BIN1: variants seen among roughly 807,000 people sequenced by gnomAD.
BIN1 encodes the protein bridging integrator 1, also known as myc box-dependent-interacting protein 1.
In BIN1, 53 loss-of-function variants were observed where a neutral mutation model predicts 82.0. That is an observed-to-expected ratio of 0.65 (90% CI 0.52 to 0.81). The LOEUF (loss-of-function observed/expected upper bound fraction) is 0.81, where lower values mean the gene tolerates loss of function less well. Among genes scored for constraint, BIN1 ranks in the 40% least tolerant of loss-of-function variants. The pLI is 0.00. For synonymous variants in BIN1, 302 were observed against 328.0 expected, an observed-to-expected ratio of 0.92 and a Z score of 0.86; for missense variants, 642 against 784.4, an observed-to-expected ratio of 0.82 and a Z score of 2.17.
chr2:127,050,269 C>G (rs916070568), intron 18 of BIN1, 152 bp downstream of exon 18: 2 of 742,670 alleles, frequency 2.7e-6, no homozygotes, highest in East Asian at 5.4e-5. Context: ...AAAAGCCCGA[C>G]GTGGAGGGCG....
intron 1 of BIN1, among the ~76,000 whole-genome samples, chr2:127,105,416 C>A (rs555257905): frequency 1.3e-5 from 2 of 151,748 alleles, no homozygotes; most frequent in East Asian, 3.9e-4. Flanking sequence ...CCCCCCACCC[C>A]ACAACCTGAA....
intron 1 of BIN1, 49 bp downstream of exon 1, chr2:127,106,811 C>T (rs781364951): frequency 8.7e-5 from 136 of 1,555,688 alleles, no homozygotes; most frequent in Non-Finnish European, 1.1e-4. Context: ...GTGGCCGGGG[C>T]TCCGCGGCGG....
At chr2:127,088,118 G>T (rs1326900611) in intron 1 of BIN1, among the ~76,000 whole-genome samples, 7 of 152,352 alleles carry the variant, frequency 4.6e-5, no homozygotes, top group African/African-American at 2.4e-5. Flanking sequence ...CGGCTGTAGG[G>T]CCTGGTGGCT....
intron 4 of BIN1, 96 bp downstream of exon 4, chr2:127,070,457 C>T: frequency 6.8e-7 from 1 of 1,468,490 alleles, no homozygotes; most frequent in South Asian, 1.1e-5. Flanking sequence ...TGCCCGAGAA[C>T]CAGAGAGGCT....
intron 4 of BIN1, 95 bp from the exon 5 acceptor site, chr2:127,070,185 T>G: frequency 4.0e-6 from 4 of 998,516 alleles, no homozygotes; most frequent in Non-Finnish European, 4.6e-6. Context: ...GCCCCATCTC[T>G]TCACAGCTCA....
chr2:127,057,639 G>T lies in BIN1; in HGVS notation c.1003-38C>A, dbSNP rs1230329750. On this transcript the variant is annotated intron_variant, in intron 11 of 18. Transcript: ENST00000316724. The surrounding 1 kb of genome is among the most constrained non-coding windows in gnomAD (Gnocchi z 5.0). The stretch of plus-strand genomic sequence containing the variant: ...GGCGGGTGAGGGGCCGCGCGGGAAG[G>T]CACAGCAGAGCACGGGGTTTGGGGG... 1 of 1,479,990 alleles carries T rather than the reference G, an allele frequency of 6.8e-7. No homozygotes were observed. The highest frequency in any genetic ancestry group is 9.0e-7 in the Non-Finnish European group (1 of 1,108,644). The allele number at this position is 1,479,990 out of a possible 1,614,324, so 91.7% of individuals were successfully genotyped here. A position where few individuals can be genotyped will look rare whatever the true frequency, so the allele number is the denominator to read the frequency against.
intron 18 of BIN1, 110 bp downstream of exon 18, chr2:127,050,311 C>T: frequency 8.5e-7 from 1 of 1,175,418 alleles, no homozygotes; most frequent in African/African-American, 1.5e-5. Context: ...AGCCCTGGTG[C>T]TCGCGGGCCT....
At chr2:127,098,487 G>T (rs1679886323) in intron 1 of BIN1, among the ~76,000 whole-genome samples, 1 of 152,150 alleles carries the variant, frequency 6.6e-6, no homozygotes, top group South Asian at 2.1e-4. Context: ...ACTCCCAGGG[G>T]CACCACAGGA....
At chr2:127,105,758 C>G (rs544449587) in intron 1 of BIN1, among the ~76,000 whole-genome samples, 9 of 152,308 alleles carry the variant, frequency 5.9e-5, no homozygotes, top group Admixed American at 4.6e-4. Flanking sequence ...CCAGGCCTGG[C>G]AGGGGAAGGC....
intron 2 of BIN1, among the ~76,000 whole-genome samples, chr2:127,071,811 A>C (rs1685931725): frequency 6.6e-6 from 1 of 152,204 alleles, no homozygotes; most frequent in Non-Finnish European, 1.5e-5. Flanking sequence ...TCTGAACCTC[A>C]GTCTCCTCGT....
rs1343998298 is a variant in BIN1, at chr2:127,059,728, G to C, written c.858-573C>G. Among the ~76,000 whole-genome samples, 1 of 152,176 alleles carries C rather than the reference G, an allele frequency of 6.6e-6. No homozygotes were observed. Among genetic ancestry groups the C allele is most frequent in the Non-Finnish European group, 1.5e-5 (1 of 68,028 alleles). On this transcript the variant is annotated intron_variant, in intron 10 of 18. Coordinates refer to ENST00000316724, the MANE Select transcript of BIN1 (RefSeq NM_139343.3). The surrounding 1 kb of genome is among the most constrained non-coding windows in gnomAD (Gnocchi z 6.7). ...CAAGCAGGGCCTGGACAAACTAAGA[G>C]AGGCGTCCTCATCACAGAGGAGTGG...
intron 1 of BIN1, among the ~76,000 whole-genome samples, chr2:127,097,097 G>T (rs1347138058): frequency 6.6e-6 from 1 of 152,162 alleles, no homozygotes; most frequent in Non-Finnish European, 1.5e-5. Flanking sequence ...GGAGCCAGGG[G>T]TCCCCACAGC....
At position 127,105,471 on chromosome 2, in the gene BIN1, C is replaced by T. The variant is rs1680945816; in HGVS notation, c.84+1389G>A. Among the ~76,000 whole-genome samples the T allele has an allele frequency of 2.1e-5, 3 of 142,660 alleles. No individual in the cohort carries two copies. The South Asian group carries it at 6.8e-4, about 32-fold the overall frequency. 93.6% of individuals were successfully genotyped at this position (142,660 alleles called of 152,430 possible). A position where few individuals can be genotyped will look rare whatever the true frequency, so the allele number is the denominator to read the frequency against. ...AGCTATTCCTGGGGCTTTAATCCCT[C>T]CTCCTCCTCCTCCTCCTCCTCCTCC... On this transcript the variant is annotated intron_variant, in intron 1 of 18. Coordinates refer to ENST00000316724, the MANE Select transcript of BIN1 (RefSeq NM_139343.3).
intron 1 of BIN1, among the ~76,000 whole-genome samples, chr2:127,084,199 C>T (rs111830147): frequency 6.6e-6 from 1 of 152,158 alleles, no homozygotes; most frequent in Non-Finnish European, 1.5e-5. Flanking sequence ...GTCCCCCTGG[C>T]GCACCGTATG....
intron 1 of BIN1, among the ~76,000 whole-genome samples, chr2:127,102,461 C>G (rs1352876641): frequency 6.6e-6 from 1 of 152,218 alleles, no homozygotes; most frequent in Non-Finnish European, 1.5e-5. Context: ...ACCCAGGCAC[C>G]CCTTCTCTTC....
chr2:127,081,896 T>G (rs1230251473), intron 1 of BIN1: 1 of 1,281,592 alleles, frequency 7.8e-7, no homozygotes, highest in South Asian at 1.3e-5. Context: ...GAGCCCTGTC[T>G]CGCCCCTTCC....
rs546352500 is a variant in BIN1, at chr2:127,059,648, C to T, written c.858-493G>A. 2.6e-4 allele frequency among the ~76,000 whole-genome samples: 40 copies of T among 152,284 alleles called. No individual in the cohort carries two copies. Among genetic ancestry groups the T allele is most frequent in the African/African-American group, 9.4e-4 (39 of 41,548 alleles). On this transcript the variant is annotated intron_variant, in intron 10 of 18. Coordinates refer to ENST00000316724, the MANE Select transcript of BIN1 (RefSeq NM_139343.3). The surrounding 1 kb of genome is among the most constrained non-coding windows in gnomAD (Gnocchi z 6.7). ...CCTCCCTGCCTGTCCATCACAGCAC[C>T]CTGGTACATGTCTCTAGACCTTGGC...
rs188123171 is a variant in BIN1, at chr2:127,091,517, G to A, written c.85-14811C>T. 6.0e-3 allele frequency among the ~76,000 whole-genome samples: 908 copies of A among 152,350 alleles called. 10 individuals carry two copies. Among genetic ancestry groups the A allele is most frequent in the Non-Finnish European group, 7.3e-3 (500 of 68,038 alleles). ...CCACTGTATTTGGCCCCAGAAGTAG[G>A]AAATCAAGGCTGGAGGAAAGTTGGG... On this transcript the variant is annotated intron_variant, in intron 1 of 18. Transcript: ENST00000316724.
rs1008775127 is a variant in BIN1 at position 127,057,843 on chromosome 2, G to T, written c.1003-242C>A. Among the ~76,000 whole-genome samples the T allele has an allele frequency of 6.6e-6, 1 of 151,878 alleles. No homozygotes were observed. The highest frequency in any genetic ancestry group is 6.6e-5 in the Admixed American group (1 of 15,250). ...GCAGGCGGTCCAGAAACGCTGTGTG[G>T]AGAGAGAAGAGATAGAGAAGTGAGG... is the stretch of plus-strand genomic sequence containing the variant. On this transcript the variant is annotated intron_variant, in intron 11 of 18. Transcript: ENST00000316724. The surrounding 1 kb of genome is among the most constrained non-coding windows in gnomAD (Gnocchi z 5.0).
Sources: allele counts gnomAD v4.1 joint callset (sites outside exome capture counted in the v4.1 genomes callset), GRCh38; gene constraint gnomAD v4.1.1; non-coding constraint Gnocchi (gnomAD v3.1); transcripts MANE v1.5; gene names NCBI Gene and HGNC (gene_info 2026-07-23, HGNC 2026-07-21).